Variants in CAMK1D observed in about 807,000 individuals in gnomAD.
The protein encoded by CAMK1D is calcium/calmodulin-dependent protein kinase type 1D.
In CAMK1D, 9 loss-of-function variants were observed where a neutral mutation model predicts 47.7. The ratio of observed to expected loss-of-function variants is 0.19; its 90% CI spans 0.11 to 0.33. The LOEUF (loss-of-function observed/expected upper bound fraction) is 0.33. Among genes scored for constraint, CAMK1D ranks in the 10% least tolerant of loss-of-function variants. The probability of loss-of-function intolerance (pLI) is 1.00; values close to 1 mark genes in which losing one functional copy is unlikely to be tolerated. For missense variants in CAMK1D, 291 were observed against 488.7 expected (o/e 0.60, Z 3.81); for synonymous variants, 184 against 184.9 (o/e 0.99, Z 0.04).
chr10:12,390,749 G>A (rs1265079631), intron 1 of CAMK1D, among the ~76,000 whole-genome samples: 3 of 152,172 alleles, frequency 2.0e-5, no homozygotes, highest in African/African-American at 7.2e-5. Flanking sequence ...AGAGGAAAGG[G>A]GAGCCCAGAA....
At chr10:12,496,402 G>T (rs1049075832) in intron 1 of CAMK1D, among the ~76,000 whole-genome samples, 29 of 152,152 alleles carry the variant, frequency 1.9e-4, no homozygotes, top group Non-Finnish European at 4.0e-4. Flanking sequence ...TTTCTGTCTT[G>T]TTGCTCTGTC....
chr10:12,708,617 T>C (rs1030700964), intron 3 of CAMK1D, among the ~76,000 whole-genome samples: 3 of 152,224 alleles, frequency 2.0e-5, no homozygotes, highest in African/African-American at 7.2e-5. Context: ...TAATATAATT[T>C]GCATGTCCCT....
intron 1 of CAMK1D, among the ~76,000 whole-genome samples, chr10:12,359,043 A>T (rs1031393080): frequency 2.0e-5 from 3 of 152,200 alleles, no homozygotes; most frequent in African/African-American, 7.2e-5. Flanking sequence ...AACAATCCAC[A>T]GTTGTTCTTC....
intron 6 of CAMK1D, 116 bp from the exon 7 acceptor site, chr10:12,814,079 G>A (rs954582555): frequency 8.7e-6 from 6 of 692,648 alleles, no homozygotes; most frequent in Non-Finnish European, 1.5e-5. Context: ...GTGAGCCACT[G>A]TGCCTTGCCA....
chr10:12,408,517 G>C (rs778457836), intron 1 of CAMK1D, among the ~76,000 whole-genome samples: 3 of 152,176 alleles, frequency 2.0e-5, no homozygotes, highest in Non-Finnish European at 4.4e-5. Flanking sequence ...CCACAACTAT[G>C]ATTCTGCAAG....
intron 1 of CAMK1D, among the ~76,000 whole-genome samples, chr10:12,447,517 C>T (rs181714178): frequency 4.6e-5 from 7 of 152,262 alleles, no homozygotes; most frequent in Admixed American, 3.9e-4. Context: ...GCCTGGGCTA[C>T]ATAGCAAGAC....
chr10:12,543,375 T>C (rs1378161036), intron 1 of CAMK1D, among the ~76,000 whole-genome samples: 1 of 152,030 alleles, frequency 6.6e-6, no homozygotes, highest in Non-Finnish European at 1.5e-5. Context: ...CAACTTTAGG[T>C]TAAATAGTAA....
intron 3 of CAMK1D, among the ~76,000 whole-genome samples, chr10:12,713,550 A>G (rs1564512164): frequency 6.6e-6 from 1 of 152,218 alleles, no homozygotes. Flanking sequence ...AAAAACCAAA[A>G]AGAAACAGGG....
intron 1 of CAMK1D, among the ~76,000 whole-genome samples, chr10:12,445,427 T>C (rs1386623475): frequency 6.6e-6 from 1 of 152,258 alleles, no homozygotes; most frequent in African/African-American, 2.4e-5. Flanking sequence ...TCTGCCATTT[T>C]GTTTTGGCTT....
intron 1 of CAMK1D, among the ~76,000 whole-genome samples, chr10:12,536,943 T>A (rs949660789): frequency 6.6e-6 from 1 of 152,232 alleles, no homozygotes; most frequent in Non-Finnish European, 1.5e-5. Context: ...TTTACATCCC[T>A]CTAGATACGT....
chr10:12,764,951 C>T (rs576132902), intron 4 of CAMK1D, among the ~76,000 whole-genome samples: 5 of 152,204 alleles, frequency 3.3e-5, no homozygotes, highest in African/African-American at 9.6e-5. Flanking sequence ...CAAAAGTAGC[C>T]GTGTGTGGTG....
At chr10:12,580,030 C>T (rs1451015829) in intron 2 of CAMK1D, among the ~76,000 whole-genome samples, 3 of 152,186 alleles carry the variant, frequency 2.0e-5, no homozygotes, top group African/African-American at 7.2e-5. Context: ...TTGGCCTCCA[C>T]TGGGGCGTTT....
chr10:12,645,938 G>C (rs1839799534), intron 2 of CAMK1D, among the ~76,000 whole-genome samples: 1 of 150,150 alleles, frequency 6.7e-6, no homozygotes, highest in Non-Finnish European at 1.5e-5. Context: ...ACTACTGGAA[G>C]AATTTCTGTG....
chr10:12,565,979 C>T (rs1202961875), intron 2 of CAMK1D, among the ~76,000 whole-genome samples: 5 of 152,212 alleles, frequency 3.3e-5, no homozygotes, highest in East Asian at 1.9e-4. Context: ...AGGCAGGATA[C>T]AGTGTGGTGA....
At chr10:12,625,159 A>C (rs1839169167) in intron 2 of CAMK1D, among the ~76,000 whole-genome samples, 1 of 151,776 alleles carries the variant, frequency 6.6e-6, no homozygotes, top group Non-Finnish European at 1.5e-5. Flanking sequence ...CAACATGATA[A>C]AACCCCGTCT....
Position 12,791,098 on chromosome 10 carries a change from C to CT in CAMK1D, c.566-59dup. 3 of 1,522,220 alleles carry CT rather than the reference C, an allele frequency of 2.0e-6. No individual in the cohort carries two copies. In the South Asian group the frequency reaches 3.4e-5, roughly 17 times the overall value. The allele number at this position is 1,522,220 out of a possible 1,614,324, so 94.3% of individuals were successfully genotyped here. The stretch of plus-strand genomic sequence containing the variant: ...CAGGCCAAATAGCAGACCCCAAAAA[C>CT]TGTCTTCAGTCCGAGGCATGTAAAT... On this transcript the variant is annotated intron_variant, in intron 5 of 10. Coordinates refer to ENST00000619168, the MANE Select transcript of CAMK1D (RefSeq NM_153498.4).
intron 4 of CAMK1D, among the ~76,000 whole-genome samples, chr10:12,768,525 C>G (rs933846947): frequency 6.6e-6 from 1 of 152,154 alleles, no homozygotes; most frequent in Non-Finnish European, 1.5e-5. Context: ...TCGTGCTGCG[C>G]TCCCTTTAAG....
chr10:12,704,154 G>A (rs1324291580), intron 3 of CAMK1D, among the ~76,000 whole-genome samples: 1 of 152,136 alleles, frequency 6.6e-6, no homozygotes, highest in Non-Finnish European at 1.5e-5. Flanking sequence ...GTCCATAGCT[G>A]TGCTATATTC....
intron 3 of CAMK1D, among the ~76,000 whole-genome samples, chr10:12,706,640 G>A (rs1833735178): frequency 1.3e-5 from 2 of 151,684 alleles, no homozygotes; most frequent in African/African-American, 4.8e-5. Flanking sequence ...ATAATCATGT[G>A]TTTTTGTTGT....
Sources: allele counts gnomAD v4.1 joint callset (sites outside exome capture counted in the v4.1 genomes callset), GRCh38; gene constraint gnomAD v4.1.1; transcripts MANE v1.5; gene names NCBI Gene and HGNC (gene_info 2026-07-23, HGNC 2026-07-21).